SET: variants seen among roughly 807,000 people sequenced by gnomAD.
SET encodes the protein SET nuclear proto-oncogene, also known as protein SET.
In SET, 4 loss-of-function variants were observed where a neutral mutation model predicts 39.0. The ratio of observed to expected loss-of-function variants is 0.10; its 90% CI spans 0.05 to 0.23. SET has a LOEUF of 0.23. SET is among the 10% of genes least tolerant of loss of function. SET has a pLI of 1.00. For synonymous variants in SET, 114 were observed against 115.9 expected (o/e 0.98, Z 0.11); for missense variants, 137 against 329.7 (o/e 0.42, Z 4.53).
intron 1 of SET, 105 bp from the exon 2 acceptor site, chr9:128,691,065 G>T (rs974168911): frequency 1.2e-6 from 1 of 845,854 alleles, no homozygotes; most frequent in Admixed American, 1.8e-5. Flanking sequence ...TTTGTACTAG[G>T]CGTTTTTGTT....
upstream of SET, among the ~76,000 whole-genome samples, chr9:128,685,711 T>G (rs1231879750): frequency 6.6e-6 from 1 of 152,154 alleles, no homozygotes; most frequent in Admixed American, 6.6e-5. Context: ...TTCCAGTCTT[T>G]CTGGCGGTGG....
upstream of SET, among the ~76,000 whole-genome samples, chr9:128,686,702 T>C (rs1266428978): frequency 1.3e-5 from 2 of 152,298 alleles, no homozygotes; most frequent in East Asian, 3.9e-4. Context: ...CAGGGTGCGA[T>C]GGCTAACTCT....
chr9:128,691,808 T>A, intron 2 of SET, 50 bp from the exon 3 acceptor site: 10 of 1,543,860 alleles, frequency 6.5e-6, no homozygotes, highest in Non-Finnish European at 8.8e-6. Context: ...AACCAATTTT[T>A]TAATTTGTTA....
intron 5 of SET, 36 bp from the exon 6 acceptor site, chr9:128,693,602 G>A: frequency 6.4e-7 from 1 of 1,559,026 alleles, no homozygotes; most frequent in Non-Finnish European, 8.7e-7. Context: ...GTGTTATGGA[G>A]AGATTGTATC....
upstream of SET, among the ~76,000 whole-genome samples, chr9:128,684,883 TC>T (rs1211863575): frequency 1.3e-5 from 2 of 151,968 alleles, no homozygotes; most frequent in Non-Finnish European, 2.9e-5. Context: ...TGCCTGCCCT[TC>T]CCCCCATTAA....
chr9:128,685,947 A>C (rs556200621), upstream of SET, among the ~76,000 whole-genome samples: 1 of 152,108 alleles, frequency 6.6e-6, no homozygotes, highest in Non-Finnish European at 1.5e-5. Flanking sequence ...GAATTGCTTG[A>C]ACTCCGGAGG....
chr9:128,684,642 G>A (rs1348435459), upstream of SET, among the ~76,000 whole-genome samples: 1 of 151,812 alleles, frequency 6.6e-6, no homozygotes, highest in Non-Finnish European at 1.5e-5. Context: ...CCCACCTGGA[G>A]GCCTCCCTCA....
At chr9:128,689,799 C>T (rs1271907786) in intron 1 of SET, 144 bp downstream of exon 1, 6 of 149,632 alleles carry the variant, frequency 4.0e-5, no homozygotes, top group Admixed American at 1.4e-4. Flanking sequence ...CCCGCGGACT[C>T]GGCGCCCTTT....
In SET at chr9:128,693,163, A is replaced by C. The variant is rs188568009; in HGVS notation, c.492+182A>C. Among the ~76,000 whole-genome samples, 55 of 152,302 alleles carry C rather than the reference A, an allele frequency of 3.6e-4. 1 individual carries two copies. In the East Asian group the frequency reaches 0.01, roughly 28 times the overall value. On this transcript the variant is annotated intron_variant, in intron 5 of 7. Transcript: ENST00000322030. ...TTAGGGTTCTCATTAGATACTACAG[A>C]TGTAGGCAGGAAGATCTCTTGAGCC...
At chr9:128,689,824 G>A (rs1861443597) in intron 1 of SET, among the ~76,000 whole-genome samples, 169 bp downstream of exon 1, 1 of 144,922 alleles carries the variant, frequency 6.9e-6, no homozygotes, top group Admixed American at 6.8e-5. Flanking sequence ...TGCGCGGCTG[G>A]GCTGGGGGCC....
chr9:128,689,298 A>C lies in SET; in HGVS notation c.-285A>C, dbSNP rs1861406187. On this transcript the variant is annotated 5_prime_UTR_variant, in exon 1 of 8. Coordinates refer to ENST00000322030, the MANE Select transcript of SET (RefSeq NM_003011.4). ...CGAGCTGGCTGGATCGCCGAGCGCG[A>C]GTGAGGGAGCCGAGCCGCCCGCCGC... 2.9e-6 allele frequency: 3 copies of C among 1,018,352 alleles called. No individual in the cohort carries two copies. The highest frequency in any genetic ancestry group is 3.5e-6 in the Non-Finnish European group (3 of 851,116). The allele number at this position is 1,018,352 out of a possible 1,614,324, so 63.1% of individuals were successfully genotyped here.
rs957409538 is a variant in SET at position 128,692,985 on chromosome 9, T to C, written c.492+4T>C. 17 of 1,549,456 alleles carry C rather than the reference T, an allele frequency of 1.1e-5. No individual in the cohort carries two copies. The African/African-American group carries it at 2.2e-4, about 20-fold the overall frequency. The stretch of plus-strand genomic sequence containing the variant: ...AATCAAATGGAAATCTGGAAAGGTA[T>C]GTTTTGAGGAATTATTTGACAAAAA... On this transcript the variant is annotated splice_donor_region_variant and intron_variant, in intron 5 of 7. Transcript: ENST00000322030.
rs989203891 is a variant in SET at position 128,690,820 on chromosome 9, C to T, written c.74-350C>T. 4.8e-5 allele frequency: 12 copies of T among 252,574 alleles called. No homozygotes were observed. In the East Asian group the frequency reaches 7.2e-4, roughly 15 times the overall value. The allele number at this position is 252,574 out of a possible 1,614,324, so 15.6% of individuals were successfully genotyped here. ...ATTCTAGTTAGCAGCTGCTACTGTT[C>T]TCTTGCAAGTGTATAATGTGAAATA... On this transcript the variant is annotated intron_variant, in intron 1 of 7. Transcript: ENST00000322030.
chr9:128,683,865 C>T (rs759360846), exon 1 of SET: 5 of 1,527,114 alleles, frequency 3.3e-6, no homozygotes, highest in East Asian at 2.5e-5. Flanking sequence ...CGAGGAGACT[C>T]GTGGTCTGGT....
At chr9:128,684,554 C>T (rs915911786), upstream of SET, among the ~76,000 whole-genome samples, 1 of 152,124 alleles carries the variant, frequency 6.6e-6, no homozygotes, top group African/African-American at 2.4e-5. Flanking sequence ...CTCCCCGCGT[C>T]CTCCAGGTGC....
chr9:128,686,026 C>CA (rs1411104185), upstream of SET, among the ~76,000 whole-genome samples: 12 of 148,478 alleles, frequency 8.1e-5, no homozygotes, highest in African/African-American at 2.7e-4. Flanking sequence ...ACAACAACAA[C>CA]AACAAAAAAA....
In SET at chr9:128,689,484, G is replaced by A. The variant is rs1009869594; in HGVS notation, c.-99G>A. The A allele has an allele frequency of 1.5e-6, 1 of 648,298 alleles. No individual in the cohort carries two copies. Among genetic ancestry groups the A allele is most frequent in the Non-Finnish European group, 2.1e-6 (1 of 470,064 alleles). The allele number at this position is 648,298 out of a possible 1,614,324, so 40.2% of individuals were successfully genotyped here. A position where few individuals can be genotyped will look rare whatever the true frequency, so the allele number is the denominator to read the frequency against. On this transcript the variant is annotated 5_prime_UTR_variant, in exon 1 of 8. Transcript: ENST00000322030. Reference sequence around the variant, plus strand: ...GGGAGGAGGCGGCCGGACCGAGCGGGCGCCCGCGCGTGTGGCGTGAGGGGA... The same window carrying A: ...GGGAGGAGGCGGCCGGACCGAGCGGACGCCCGCGCGTGTGGCGTGAGGGGA...
intron 7 of SET, 147 bp from the exon 8 acceptor site, chr9:128,694,491 ACAT>A (rs919155888): frequency 1.9e-6 from 1 of 534,010 alleles, no homozygotes; most frequent in African/African-American, 2.0e-5. Flanking sequence ...ATCTGAAGCA[ACAT>A]CATCACGGGT....
chr9:128,691,824 T>C (rs1398930700), intron 2 of SET, 34 bp from the exon 3 acceptor site: 3 of 1,588,794 alleles, frequency 1.9e-6, no homozygotes, highest in Middle Eastern at 3.8e-4. Context: ...TGTTAAATAC[T>C]ATCATTGTCA....
Sources: allele counts gnomAD v4.1 joint callset (sites outside exome capture counted in the v4.1 genomes callset), GRCh38; gene constraint gnomAD v4.1.1; transcripts MANE v1.5; gene names NCBI Gene and HGNC (gene_info 2026-07-23, HGNC 2026-07-21).